Variants in DNAJC10 observed in about 807,000 individuals in gnomAD.
The protein encoded by DNAJC10 is endoplasmic reticulum disulfide reductase DNAJC10.
A neutral mutation model predicts 115.0 loss-of-function variants in DNAJC10; 101 were observed. The observed-to-expected ratio is 0.88, with a 90% CI of 0.75 to 1.04. The LOEUF is 1.04. DNAJC10 is among the 50% of genes least tolerant of loss of function. The pLI is 0.00. For missense variants in DNAJC10, 981 were observed against 928.8 expected (o/e 1.06, Z -0.73); for synonymous variants, 307 against 301.5 (o/e 1.02, Z -0.19).
In DNAJC10 at chr2:182,793,982, A is replaced by G. The variant is rs1436984276; in HGVS notation, c.*16850A>G. 1 of 152,190 alleles carries G rather than the reference A, an allele frequency of 6.6e-6. No homozygotes were observed. Among genetic ancestry groups the G allele is most frequent in the African/African-American group, 2.4e-5 (1 of 41,462 alleles). The allele number at this position is 152,190 out of a possible 1,614,324, so 9.4% of individuals were successfully genotyped here. On this transcript the variant is annotated 3_prime_UTR_variant, in exon 24 of 24. Coordinates refer to ENST00000264065, the MANE Select transcript of DNAJC10 (RefSeq NM_018981.4). ...ATATTTTTAACCTAGGATTCTATTC[A>G]TACCTACCCAGACTAACAAGTAGCA...
chr2:182,722,135 C>A, intron 5 of DNAJC10, 60 bp downstream of exon 5: 1 of 1,152,064 alleles, frequency 8.7e-7, no homozygotes, highest in South Asian at 1.4e-5. Flanking sequence ...ATCTAAAACT[C>A]TAGGGGATAT....
chr2:182,740,389 G>T lies in DNAJC10; in HGVS notation c.1077+1G>T. 2 of 1,559,938 alleles carry T rather than the reference G, an allele frequency of 1.3e-6. No homozygotes were observed. The highest frequency in any genetic ancestry group is 1.7e-6 in the Non-Finnish European group (2 of 1,160,674). On this transcript the variant is annotated splice_donor_variant, in intron 12 of 23. Coordinates refer to ENST00000264065, the MANE Select transcript of DNAJC10 (RefSeq NM_018981.4). LOFTEE classifies it high-confidence loss of function. ...ACTACTTTCGGCAAACACACTAGAG[G>T]TAATGTTTTTATTAATAATGATAAG...
At position 182,762,717 on chromosome 2, in the gene DNAJC10, C is replaced by T. The variant is rs769992519; in HGVS notation, c.2181C>T (p.Asp727=). ...IKGKVKAGKV[D]CQAYAQTCQK... ...GAAAAGTGAAAGCTGGAAAAGTAGA[C>T]TGTCAGGCTTATGCTCAGACATGCC... Residue 727 remains aspartate (D), a synonymous_variant, in exon 22 of 24, where the codon GAC becomes GAT. Coordinates refer to ENST00000264065, the MANE Select transcript of DNAJC10 (RefSeq NM_018981.4). The T allele has an allele frequency of 1.2e-6, 2 of 1,612,406 alleles. No homozygotes were observed. Among genetic ancestry groups the T allele is most frequent in the Middle Eastern group, 1.7e-4 (1 of 6,052 alleles).
In DNAJC10 at chr2:182,777,561, A is replaced by G. The variant is rs1694741162; in HGVS notation, c.*429A>G. 1 of 152,892 alleles carries G rather than the reference A, an allele frequency of 6.5e-6. No homozygotes were observed. Among genetic ancestry groups the G allele is most frequent in the African/African-American group, 2.4e-5 (1 of 41,494 alleles). 9.5% of individuals were successfully genotyped at this position (152,892 alleles called of 1,614,324 possible). A position where few individuals can be genotyped will look rare whatever the true frequency, so the allele number is the denominator to read the frequency against. ...GGCTTGAACATGAGTCTGCTGTGCT[A>G]TCTACATAAATGTCTAAGTTGTATA... On this transcript the variant is annotated 3_prime_UTR_variant, in exon 24 of 24. Coordinates refer to ENST00000264065, the MANE Select transcript of DNAJC10 (RefSeq NM_018981.4).
intron 16 of DNAJC10, 81 bp from the exon 17 acceptor site, chr2:182,754,922 C>T: frequency 7.5e-7 from 1 of 1,332,154 alleles, no homozygotes; most frequent in Non-Finnish European, 1.0e-6. Flanking sequence ...GTTCTTGTTA[C>T]TTAAAGGCAA....
rs369815200 is a variant in DNAJC10, at chr2:182,757,664, T to C, written c.1810-28T>C. 350 of 1,467,246 alleles carry C rather than the reference T, an allele frequency of 2.4e-4. 1 individual carries two copies. In the African/African-American group the frequency reaches 4.0e-3, roughly 17 times the overall value. The allele number at this position is 1,467,246 out of a possible 1,614,324, so 90.9% of individuals were successfully genotyped here. On this transcript the variant is annotated intron_variant, in intron 18 of 23. Transcript: ENST00000264065. ...TATTGCAAACATATGTAAAAAGTTA[T>C]GGAGGTAATCTGTTTTTTCTTTTAC...
chr2:182,719,976 T>C, intron 3 of DNAJC10, 31 bp from the exon 4 acceptor site: 1 of 1,273,790 alleles, frequency 7.9e-7, no homozygotes, highest in East Asian at 2.4e-5. Context: ...GTATCTGAAA[T>C]AATTGTATTA....
chr2:182,744,222 C>G (rs529713203), intron 14 of DNAJC10, among the ~76,000 whole-genome samples: 1 of 152,236 alleles, frequency 6.6e-6, no homozygotes, highest in African/African-American at 2.4e-5. Flanking sequence ...CAGCAGAGTC[C>G]TTGTCCTGAA....
chr2:182,774,056 C>T (rs1694639611), intron 22 of DNAJC10, among the ~76,000 whole-genome samples: 1 of 152,154 alleles, frequency 6.6e-6, no homozygotes, highest in African/African-American at 2.4e-5. Flanking sequence ...CTATTCCTTT[C>T]TGTTTGTTAG....
intron 14 of DNAJC10, among the ~76,000 whole-genome samples, chr2:182,750,257 G>A (rs773271597): frequency 1.3e-4 from 20 of 152,268 alleles, no homozygotes; most frequent in Non-Finnish European, 2.1e-4. Flanking sequence ...TGTAGAAAAT[G>A]GATTAGTTAA....
At chr2:182,750,811 C>A (rs975385210) in intron 14 of DNAJC10, among the ~76,000 whole-genome samples, 14 of 152,122 alleles carry the variant, frequency 9.2e-5, no homozygotes, top group African/African-American at 1.9e-4. Context: ...ACAGCCACAC[C>A]ATCACTGAGC....
In DNAJC10 at chr2:182,782,905, T is replaced by G. The variant is rs1310217728; in HGVS notation, c.*5773T>G. The G allele has an allele frequency of 1.3e-5, 2 of 152,206 alleles. No individual in the cohort carries two copies. The highest frequency in any genetic ancestry group is 2.9e-5 in the Non-Finnish European group (2 of 68,040). 9.4% of individuals were successfully genotyped at this position (152,206 alleles called of 1,614,324 possible). A position where few individuals can be genotyped will look rare whatever the true frequency, so the allele number is the denominator to read the frequency against. On this transcript the variant is annotated 3_prime_UTR_variant, in exon 24 of 24. Coordinates refer to ENST00000264065, the MANE Select transcript of DNAJC10 (RefSeq NM_018981.4). ...TCCTCTCTTCCTGTTTGAATACGCT[T>G]TCTTTCTCTTGCCTGATTGTCCTGG...
In DNAJC10 at chr2:182,725,780, A is replaced by G. The variant is rs375152683; in HGVS notation, c.419-2796A>G. Among the ~76,000 whole-genome samples the G allele has an allele frequency of 6.6e-5, 10 of 152,316 alleles. No homozygotes were observed. The South Asian group carries it at 8.3e-4, about 13-fold the overall frequency. ...GAAGCTGCAGCAAGTTTTCCAGAAG[A>G]TCTAGCTAAGATCATTGATGAAGGT... On this transcript the variant is annotated intron_variant, in intron 5 of 23. Coordinates refer to ENST00000264065, the MANE Select transcript of DNAJC10 (RefSeq NM_018981.4).
rs1479078032 is a variant in DNAJC10, at chr2:182,789,229, TTTC to T, written c.*12100_*12102del. 3.7e-5 allele frequency: 6 copies of T among 163,046 alleles called. No homozygotes were observed. Among genetic ancestry groups the T allele is most frequent in the Non-Finnish European group, 6.6e-5 (5 of 75,792 alleles). 10.1% of individuals were successfully genotyped at this position (163,046 alleles called of 1,614,324 possible). A position where few individuals can be genotyped will look rare whatever the true frequency, so the allele number is the denominator to read the frequency against. ...CCCATGTTGTAGCATGTGTCATAAT[TTTC>T]TTGTTTTGAGACGGAGTCTTACTCT... On this transcript the variant is annotated 3_prime_UTR_variant, in exon 24 of 24. Coordinates refer to ENST00000264065, the MANE Select transcript of DNAJC10 (RefSeq NM_018981.4).
At chr2:182,766,915 A>G (rs1394528884) in intron 22 of DNAJC10, among the ~76,000 whole-genome samples, 1 of 152,074 alleles carries the variant, frequency 6.6e-6, no homozygotes, top group Non-Finnish European at 1.5e-5. Context: ...GTTGGAGGAA[A>G]GAAAGGCAAT....
chr2:182,718,840 A>C (rs1334370087), intron 3 of DNAJC10, among the ~76,000 whole-genome samples: 2 of 152,194 alleles, frequency 1.3e-5, no homozygotes, highest in Non-Finnish European at 2.9e-5. Context: ...AATCTTTCAA[A>C]ACTAAACTCA....
Position 182,752,163 on chromosome 2 carries a change from C to A in DNAJC10, c.1526C>A (p.Thr509Lys), listed in dbSNP as rs369183539. Residue 509 changes from threonine (T) to lysine (K), a missense_variant, in exon 16 of 24, where the codon ACA (threonine) becomes AAA (lysine). Coordinates refer to ENST00000264065, the MANE Select transcript of DNAJC10 (RefSeq NM_018981.4). ...CTTAAGTTTGGTACACTAGATTGTA[C>A]AGTTCATGAGGGACTCTGTAACATG... is the stretch of plus-strand genomic sequence containing the variant. ...GQLKFGTLDC[T>K]VHEGLCNMYN... 2 of 1,608,568 alleles carry A rather than the reference C, an allele frequency of 1.2e-6. No homozygotes were observed. The highest frequency in any genetic ancestry group is 4.5e-5 in the East Asian group (2 of 44,828).
chr2:182,762,208 A>G (rs1416568176), intron 21 of DNAJC10, among the ~76,000 whole-genome samples: 1 of 152,072 alleles, frequency 6.6e-6, no homozygotes, highest in Non-Finnish European at 1.5e-5. Flanking sequence ...CAGAGGAACC[A>G]TAATCCAGGA....
rs1244260893 is a variant in DNAJC10, at chr2:182,759,170, C to G, written c.2008C>G (p.Gln670Glu). Residue 670 changes from glutamine (Q) to glutamate (E), a missense_variant, in exon 21 of 24, where the codon CAA becomes GAA. Transcript: ENST00000264065. ...LRIWGLGFLP[Q>E]VSTDLTPQTF... ...GATCATTTGCCACAGATTTTTACCTCAAGTATCCACAGATCTAACACCTCA... is the reference window on the plus strand; with the variant it reads ...GATCATTTGCCACAGATTTTTACCTGAAGTATCCACAGATCTAACACCTCA... 1.3e-6 allele frequency: 2 copies of G among 1,576,874 alleles called. No individual in the cohort carries two copies. Among genetic ancestry groups the G allele is most frequent in the African/African-American group, 2.8e-5 (2 of 72,482 alleles).
Sources: gnomAD v4.1 joint callset for allele counts (sites outside exome capture counted in the v4.1 genomes callset) on GRCh38, gnomAD v4.1.1 for gene constraint, MANE v1.5 for transcripts, NCBI Gene and HGNC (gene_info 2026-07-23, HGNC 2026-07-21) for gene names.